Variants in FLACC1 observed in about 807,000 individuals in gnomAD.
FLACC1 encodes flagellum-associated coiled-coil domain-containing protein 1.
A neutral mutation model predicts 62.8 loss-of-function variants in FLACC1; 66 were observed. The ratio of observed to expected loss-of-function variants is 1.05; its 90% confidence interval spans 0.86 to 1.29. FLACC1 has a LOEUF of 1.29. Ranked by LOEUF, FLACC1 falls within the 50% of genes most tolerant of loss-of-function variation. The pLI is 0.00. For missense variants in FLACC1, 452 were observed against 489.1 expected (o/e 0.92, Z 0.71); for synonymous variants, 156 against 161.0 (o/e 0.97, Z 0.24).
chr2:201,293,436 G>T (rs1037667672), intron 12 of FLACC1, among the ~76,000 whole-genome samples: 2 of 152,180 alleles, frequency 1.3e-5, no homozygotes, highest in Admixed American at 6.5e-5. Context: ...GGTACATAAT[G>T]AAATGAAGGC....
rs372088283 is a variant in FLACC1 at position 201,332,159 on chromosome 2, G to GT, written c.525-1327dup. Among the ~76,000 whole-genome samples the GT allele has an allele frequency of 1.6e-3, 243 of 151,852 alleles. 2 individuals carry two copies. The highest frequency in any genetic ancestry group is 5.7e-3 in the African/African-American group (234 of 41,414). ...ACTTATAATTATATATATTTATGGGGTAAAAAGTGATGTTATGATTTATGA... is the reference window on the plus strand; with the variant it reads ...ACTTATAATTATATATATTTATGGGGTTAAAAAGTGATGTTATGATTTATGA... On this transcript the variant is annotated intron_variant, in intron 7 of 14. Coordinates refer to ENST00000392257, the MANE Select transcript of FLACC1 (RefSeq NM_001127391.3).
Position 201,289,585 on chromosome 2 carries a change from A to C in FLACC1, c.1033-19T>G. On this transcript the variant is annotated intron_variant, in intron 13 of 14. Coordinates refer to ENST00000392257, the MANE Select transcript of FLACC1 (RefSeq NM_001127391.3). ...TAGCTTTCTGAAAGACATACATTTT[A>C]ATAGCCATCTTCCCCAACCCAGAGC... is the stretch of plus-strand genomic sequence containing the variant. 6.2e-7 allele frequency: 1 copy of C among 1,613,646 alleles called. No individual in the cohort carries two copies. The highest frequency in any genetic ancestry group is 1.3e-5 in the African/African-American group (1 of 75,014).
chr2:201,297,917 T>C (rs1272414805), intron 12 of FLACC1, among the ~76,000 whole-genome samples: 9 of 151,990 alleles, frequency 5.9e-5, no homozygotes, highest in Non-Finnish European at 1.3e-4. Context: ...GAAAGGAAGT[T>C]AGTCATGTGG....
At chr2:201,344,345 C>A in intron 5 of FLACC1, 82 bp from the exon 6 acceptor site, 3 of 1,165,640 alleles carry the variant, frequency 2.6e-6, no homozygotes, top group East Asian at 2.5e-5. Context: ...CTGACTCTGG[C>A]ATGGTGAGAG....
At chr2:201,336,334 T>A (rs1950695902) in intron 7 of FLACC1, among the ~76,000 whole-genome samples, 1 of 152,212 alleles carries the variant, frequency 6.6e-6, no homozygotes, top group South Asian at 2.1e-4. Flanking sequence ...GCAAAGGACA[T>A]GATTTTGTTC....
At chr2:201,332,870 T>C (rs1467886227) in intron 7 of FLACC1, among the ~76,000 whole-genome samples, 1 of 152,204 alleles carries the variant, frequency 6.6e-6, no homozygotes, top group Non-Finnish European at 1.5e-5. Context: ...CCATCCATGT[T>C]GTCACAAATG....
chr2:201,341,538 T>C (rs1428365134), intron 7 of FLACC1, among the ~76,000 whole-genome samples: 1 of 149,810 alleles, frequency 6.7e-6, no homozygotes, highest in East Asian at 1.9e-4. Flanking sequence ...TATGTATGTA[T>C]ATATATATAT....
chr2:201,334,031 A>G (rs961390316), intron 7 of FLACC1, among the ~76,000 whole-genome samples: 4 of 152,244 alleles, frequency 2.6e-5, no homozygotes, highest in African/African-American at 9.6e-5. Context: ...TCCTACCAAC[A>G]GTGTAAAACT....
intron 12 of FLACC1, among the ~76,000 whole-genome samples, chr2:201,292,525 A>G (rs1422441896): frequency 1.3e-5 from 2 of 152,348 alleles, no homozygotes; most frequent in East Asian, 1.9e-4. Flanking sequence ...CCTGAAGGAA[A>G]CACTAAACAT....
chr2:201,317,668 C>T (rs1950330639), intron 9 of FLACC1, among the ~76,000 whole-genome samples: 1 of 152,100 alleles, frequency 6.6e-6, no homozygotes, highest in South Asian at 2.1e-4. Flanking sequence ...CAAAATACCA[C>T]CATCGTTTTT....
rs200303824 is a variant in FLACC1, at chr2:201,293,602, A to G, written c.943-3817T>C. 7.9e-4 allele frequency among the ~76,000 whole-genome samples: 121 copies of G among 152,332 alleles called. 5 individuals are homozygous for G. In the East Asian group the frequency reaches 0.022, roughly 27 times the overall value. On this transcript the variant is annotated intron_variant, in intron 12 of 14. Coordinates refer to ENST00000392257, the MANE Select transcript of FLACC1 (RefSeq NM_001127391.3). ...CTAAAATTGACACCCTAACATCACA[A>G]TTAAAAGAACTAGAGAAGCAAGAGC...
At chr2:201,336,520 T>C (rs1309826529) in intron 7 of FLACC1, among the ~76,000 whole-genome samples, 1 of 152,218 alleles carries the variant, frequency 6.6e-6, no homozygotes, top group Non-Finnish European at 1.5e-5. Context: ...TTGAGTACAA[T>C]ACACCCAATA....
At chr2:201,313,095 C>T (rs1190627719) in intron 9 of FLACC1, among the ~76,000 whole-genome samples, 2 of 152,212 alleles carry the variant, frequency 1.3e-5, no homozygotes, top group South Asian at 4.1e-4. Flanking sequence ...CCATTTCTGA[C>T]TTGTCTCACA....
At chr2:201,297,884 A>G (rs1404037748) in intron 12 of FLACC1, among the ~76,000 whole-genome samples, 5 of 152,292 alleles carry the variant, frequency 3.3e-5, no homozygotes, top group South Asian at 2.1e-4. Context: ...AGAAGGTGGC[A>G]TTTGAATAAA....
chr2:201,328,478 T>C (rs543871110), intron 9 of FLACC1, among the ~76,000 whole-genome samples: 1 of 152,190 alleles, frequency 6.6e-6, no homozygotes, highest in African/African-American at 2.4e-5. Context: ...CAGGCTAGAG[T>C]GCAGTGGCAC....
intron 14 of FLACC1, 100 bp downstream of exon 14, chr2:201,289,357 C>G: frequency 2.7e-6 from 3 of 1,107,780 alleles, no homozygotes; most frequent in South Asian, 2.8e-5. Flanking sequence ...CTTGACATAA[C>G]TAGGGAGCAG....
upstream of FLACC1, among the ~76,000 whole-genome samples, chr2:201,359,311 A>G (rs191104238): frequency 6.6e-6 from 1 of 152,350 alleles, no homozygotes; most frequent in East Asian, 1.9e-4. Context: ...CAGGGAGACT[A>G]ATAGACAAGT....
chr2:201,342,747 A>G (rs1245808812), intron 6 of FLACC1, among the ~76,000 whole-genome samples: 1 of 152,154 alleles, frequency 6.6e-6, no homozygotes, highest in East Asian at 1.9e-4. Flanking sequence ...CTGTTACATC[A>G]TGGCCTTCAG....
At position 201,309,249 on chromosome 2, in the gene FLACC1, T is replaced by C; in HGVS notation, c.677A>G (p.Asp226Gly). Residue 226 changes from aspartate (D) to glycine (G), a missense_variant and splice_region_variant, in exon 10 of 15, where the codon GAC becomes GGC. This residue lies in a region of FLACC1 where 301 missense variants were observed against 318.4 expected (regional missense o/e 0.95). Transcript: ENST00000392257. Reference protein sequence around the residue: ...YLKNMFRTYQDSIYDEMEEKW... With the variant: ...YLKNMFRTYQGSIYDEMEEKW... Reference sequence around the variant, plus strand: ...CTCTTCCATTTCATCATAAATACTGTCCTGGGGAGGTACAAAGGCACCATG... The same window carrying C: ...CTCTTCCATTTCATCATAAATACTGCCCTGGGGAGGTACAAAGGCACCATG... 2 of 1,611,124 alleles carry C rather than the reference T, an allele frequency of 1.2e-6. No individual in the cohort carries two copies. The highest frequency in any genetic ancestry group is 1.7e-6 in the Non-Finnish European group (2 of 1,177,366).
Sources: allele counts gnomAD v4.1 joint callset (sites outside exome capture counted in the v4.1 genomes callset), GRCh38; gene constraint gnomAD v4.1.1; regional missense constraint gnomAD v4.1.1; transcripts MANE v1.5; gene names NCBI Gene and HGNC (gene_info 2026-07-23, HGNC 2026-07-21).